ABI2: variants seen among roughly 807,000 people sequenced by gnomAD.
ABI2 encodes abelson interactor 2.
Under a neutral mutation model 59.2 loss-of-function variants are expected in ABI2, and 25 were observed. The ratio of observed to expected loss-of-function variants is 0.42; its 90% CI spans 0.31 to 0.59. ABI2 has a LOEUF of 0.59. Among genes scored for constraint, ABI2 ranks in the 20% least tolerant of loss-of-function variants. The pLI is 0.14. For synonymous variants in ABI2, 213 were observed against 235.5 expected, an observed-to-expected ratio of 0.90 and a Z score of 0.87; for missense variants, 545 against 681.8, an observed-to-expected ratio of 0.80 and a Z score of 2.23.
At chr2:203,366,380 ATAT>A (rs753790373) in intron 1 of ABI2, among the ~76,000 whole-genome samples, 1 of 151,868 alleles carries the variant, frequency 6.6e-6, no homozygotes, top group Non-Finnish European at 1.5e-5. Flanking sequence ...TTTATTTATC[ATAT>A]TATTTATAAT....
chr2:203,402,929 C>T (rs2097280760), intron 9 of ABI2, among the ~76,000 whole-genome samples, 195 bp downstream of exon 9: 1 of 151,958 alleles, frequency 6.6e-6, no homozygotes, highest in African/African-American at 2.4e-5. Context: ...ATGTGATTTC[C>T]ACGTAAAGTC....
At chr2:203,393,567 A>G (rs2096857241) in intron 5 of ABI2, among the ~76,000 whole-genome samples, 1 of 152,172 alleles carries the variant, frequency 6.6e-6, no homozygotes, top group African/African-American at 2.4e-5. Flanking sequence ...TTTAATTACC[A>G]ATGTATGTAT....
At chr2:203,405,132 T>C (rs2097371885) in intron 9 of ABI2, among the ~76,000 whole-genome samples, 1 of 152,218 alleles carries the variant, frequency 6.6e-6, no homozygotes, top group South Asian at 2.1e-4. Context: ...TTCTGTGTAA[T>C]GTGTGAGTCA....
chr2:203,392,167 A>T (rs902912242), intron 5 of ABI2, among the ~76,000 whole-genome samples: 2 of 152,198 alleles, frequency 1.3e-5, no homozygotes, highest in Admixed American at 6.5e-5. Flanking sequence ...ATTTTTAAAA[A>T]TGTGTAAGAC....
At chr2:203,409,574 A>G (rs1466388728) in intron 9 of ABI2, among the ~76,000 whole-genome samples, 1 of 152,182 alleles carries the variant, frequency 6.6e-6, no homozygotes, top group African/African-American at 2.4e-5. Context: ...CGAAGGGTAA[A>G]AATCTAAGAA....
chr2:203,342,449 G>T (rs1353801687), intron 1 of ABI2, among the ~76,000 whole-genome samples: 2 of 152,098 alleles, frequency 1.3e-5, no homozygotes, highest in Non-Finnish European at 2.9e-5. Flanking sequence ...AAGTTGAATA[G>T]GGGAAGCCAA....
intron 1 of ABI2, among the ~76,000 whole-genome samples, chr2:203,356,848 A>AT (rs10711758): frequency 1.6e-4 from 24 of 149,524 alleles, no homozygotes; most frequent in African/African-American, 3.9e-4. Context: ...GTTTTACACA[A>AT]TTTTTTTTTT....
At chr2:203,388,636 A>C (rs550202947) in intron 4 of ABI2, among the ~76,000 whole-genome samples, 1 of 152,224 alleles carries the variant, frequency 6.6e-6, no homozygotes, top group Non-Finnish European at 1.5e-5. Context: ...AGCCGAGATC[A>C]GGCCATTGCA....
At chr2:203,393,715 A>G (rs539512820) in intron 5 of ABI2, among the ~76,000 whole-genome samples, 1 of 152,370 alleles carries the variant, frequency 6.6e-6, no homozygotes, top group South Asian at 2.1e-4. Context: ...CAGTAGAGCA[A>G]CATCATTTCA....
intron 1 of ABI2, among the ~76,000 whole-genome samples, chr2:203,354,910 C>T (rs1176084089): frequency 1.3e-5 from 2 of 152,184 alleles, no homozygotes; most frequent in African/African-American, 4.8e-5. Flanking sequence ...TAGTCAGTAC[C>T]TCTGCTCACA....
chr2:203,395,746 T>G lies in ABI2; in HGVS notation c.816T>G (p.Ala272=), dbSNP rs1208745887. The change falls in exon 7 of 12, where the codon GCT becomes GCG. Residue 272 remains alanine (A), a synonymous_variant. Transcript: ENST00000261018. ...SGSGSVGVPI[A]VPTPSPPSVF... ...GTGGTAGTGTGGGGGTTCCTATTGC[T>G]GTTCCTACTCCATCTCCTCCCAGTG... 1 of 1,609,738 alleles carries G rather than the reference T, an allele frequency of 6.2e-7. No individual in the cohort carries two copies. The highest frequency in any genetic ancestry group is 1.1e-5 in the South Asian group (1 of 90,236).
intron 2 of ABI2, among the ~76,000 whole-genome samples, chr2:203,378,853 A>G (rs1189444582): frequency 6.6e-6 from 1 of 152,172 alleles, no homozygotes; most frequent in African/African-American, 2.4e-5. Flanking sequence ...ACACAGGAAA[A>G]AATTTTTTTT....
At chr2:203,393,472 TCC>T (rs1559316800) in intron 5 of ABI2, among the ~76,000 whole-genome samples, 1 of 152,246 alleles carries the variant, frequency 6.6e-6, no homozygotes, top group Non-Finnish European at 1.5e-5. Context: ...TGCTGGAACT[TCC>T]TTTTAGTATT....
chr2:203,331,682 A>G (rs959689501), intron 1 of ABI2, among the ~76,000 whole-genome samples: 1 of 151,620 alleles, frequency 6.6e-6, no homozygotes, highest in African/African-American at 2.4e-5. Flanking sequence ...TTATAGCATC[A>G]TGTCTTAGCC....
At chr2:203,423,200 C>T (rs920513599) in intron 11 of ABI2, among the ~76,000 whole-genome samples, 2 of 152,118 alleles carry the variant, frequency 1.3e-5, no homozygotes, top group African/African-American at 2.4e-5. Flanking sequence ...CTTAATTTTT[C>T]CCCCAATATG....
At chr2:203,370,234 G>A (rs1465267226) in intron 2 of ABI2, among the ~76,000 whole-genome samples, 1 of 146,664 alleles carries the variant, frequency 6.8e-6, no homozygotes, top group Non-Finnish European at 1.5e-5. Context: ...CTCTTTCTGT[G>A]TGTATGTGTG....
At position 203,395,770 on chromosome 2, in the gene ABI2, T is replaced by C; in HGVS notation, c.840T>C (p.Ser280=). ...CTGTTCCTACTCCATCTCCTCCCAG[T>C]GTCTTTCCAGGTAAAACATTCATGG... The part of the protein sequence containing the change: ...PIAVPTPSPP[S]VFPAPAGSAG... The change falls in exon 7 of 12, where the codon AGT becomes AGC. Residue 280 remains serine, a synonymous_variant. Transcript: ENST00000261018. 6.3e-7 allele frequency: 1 copy of C among 1,597,592 alleles called. No homozygotes were observed. The highest frequency in any genetic ancestry group is 1.3e-5 in the African/African-American group (1 of 74,222).
intron 1 of ABI2, among the ~76,000 whole-genome samples, chr2:203,338,286 A>C (rs1244145763): frequency 1.3e-5 from 2 of 152,210 alleles, no homozygotes; most frequent in Non-Finnish European, 2.9e-5. Flanking sequence ...CTTAAATGTA[A>C]GATCTGAAAT....
At chr2:203,361,425 G>T (rs1050426900) in intron 1 of ABI2, among the ~76,000 whole-genome samples, 1 of 152,166 alleles carries the variant, frequency 6.6e-6, no homozygotes, top group Admixed American at 6.5e-5. Context: ...CTTGAGCCCA[G>T]GAGTTGGAGT....
Sources: allele counts gnomAD v4.1 joint callset (sites outside exome capture counted in the v4.1 genomes callset), GRCh38; gene constraint gnomAD v4.1.1; transcripts MANE v1.5; gene names NCBI Gene and HGNC (gene_info 2026-07-23, HGNC 2026-07-21).